The following CFAP299 variants were observed in gnomAD, a reference collection of about 807,000 sequenced individuals.
The protein encoded by CFAP299 is cilia- and flagella-associated protein 299.
A neutral mutation model predicts 27.0 loss-of-function variants in CFAP299; 21 were observed. The observed-to-expected ratio is 0.78, with a 90% CI of 0.55 to 1.12. The LOEUF is 1.12. CFAP299 is among the 50% of genes most tolerant of loss of function. The pLI is 0.00. For missense variants in CFAP299, 310 were observed against 276.6 expected (o/e 1.12, Z -0.86); for synonymous variants, 104 against 98.1 (o/e 1.06, Z -0.36).
chr4:80,796,594 C>T (rs549262635), intron 3 of CFAP299, among the ~76,000 whole-genome samples: 172 of 152,190 alleles, frequency 1.1e-3, no homozygotes, highest in African/African-American at 4.0e-3. Context: ...GCAATGAAAC[C>T]ATAACTGGCC....
At chr4:80,486,138 G>C (rs901838687) in intron 2 of CFAP299, among the ~76,000 whole-genome samples, 5 of 151,946 alleles carry the variant, frequency 3.3e-5, no homozygotes, top group Admixed American at 3.3e-4. Flanking sequence ...AGTTCTGCTT[G>C]CTTGGTCTTA....
At chr4:80,666,100 A>G (rs1390187172) in intron 3 of CFAP299, among the ~76,000 whole-genome samples, 2 of 152,114 alleles carry the variant, frequency 1.3e-5, no homozygotes, top group East Asian at 1.9e-4. Flanking sequence ...GGGTAAATTC[A>G]TTGTTCTTTT....
chr4:80,815,728 A>G (rs1222005162), intron 3 of CFAP299, among the ~76,000 whole-genome samples: 2 of 151,926 alleles, frequency 1.3e-5, no homozygotes, highest in Non-Finnish European at 2.9e-5. Context: ...CATAAAAATG[A>G]ATTAAGGCAA....
At chr4:80,877,772 T>C (rs138407576) in intron 4 of CFAP299, among the ~76,000 whole-genome samples, 79 of 152,268 alleles carry the variant, frequency 5.2e-4, no homozygotes, top group African/African-American at 1.8e-3. Flanking sequence ...AACTTTTTAT[T>C]ATTAATTTTT....
intron 3 of CFAP299, among the ~76,000 whole-genome samples, chr4:80,853,761 CAAG>C: frequency 6.6e-6 from 1 of 152,228 alleles, no homozygotes; most frequent in East Asian, 1.9e-4. Flanking sequence ...AAGTAGGCAT[CAAG>C]AAGAACCCCG....
At chr4:80,434,889 A>T (rs1429670463) in intron 2 of CFAP299, among the ~76,000 whole-genome samples, 2 of 152,334 alleles carry the variant, frequency 1.3e-5, no homozygotes, top group East Asian at 3.9e-4. Flanking sequence ...GCACTCCACA[A>T]GCTGAGACCA....
At chr4:80,582,493 T>C (rs1324837464) in intron 2 of CFAP299, among the ~76,000 whole-genome samples, 2 of 151,922 alleles carry the variant, frequency 1.3e-5, no homozygotes, top group African/African-American at 4.8e-5. Flanking sequence ...CACAAATCAC[T>C]CTTGAACTCA....
At chr4:80,856,795 T>G (rs1269749570) in intron 3 of CFAP299, among the ~76,000 whole-genome samples, 3 of 152,038 alleles carry the variant, frequency 2.0e-5, no homozygotes, top group Non-Finnish European at 4.4e-5. Context: ...CATGCTGTTT[T>G]GGTTACTGTA....
chr4:80,591,124 T>A lies in CFAP299; in HGVS notation c.333+7941T>A, dbSNP rs938881499. ...TAGGAAATTTTTTTTTTTTTTTTTT[T>A]TTTTTTTATTTTTTTTTGAGACGGA... is the stretch of plus-strand genomic sequence containing the variant. On this transcript the variant is annotated intron_variant, in intron 3 of 5. Coordinates refer to ENST00000358105, the MANE Select transcript of CFAP299 (RefSeq NM_152770.3). 6.1e-3 allele frequency among the ~76,000 whole-genome samples: 816 copies of A among 134,698 alleles called. 6 individuals are homozygous for A. The highest frequency in any genetic ancestry group is 0.022 in the South Asian group (88 of 4,086). The allele number at this position is 134,698 out of a possible 152,430, so 88.4% of individuals were successfully genotyped here.
chr4:80,332,170 T>C (rs1186117136), upstream of CFAP299, among the ~76,000 whole-genome samples: 1 of 152,228 alleles, frequency 6.6e-6, no homozygotes, highest in Non-Finnish European at 1.5e-5. Context: ...GATGTCATAA[T>C]TGACTTTGGT....
At position 80,742,981 on chromosome 4, in the gene CFAP299, T is replaced by C. The variant is rs187983716; in HGVS notation, c.334-127012T>C. ...ATGTTAAGAAAAGGTGATTCAGATA[T>C]ATATGTGGACAGGACTGTGTATGCA... On this transcript the variant is annotated intron_variant, in intron 3 of 5. Coordinates refer to ENST00000358105, the MANE Select transcript of CFAP299 (RefSeq NM_152770.3). Among the ~76,000 whole-genome samples, 71 of 152,304 alleles carry C rather than the reference T, an allele frequency of 4.7e-4. 1 individual carries two copies. Among genetic ancestry groups the C allele is most frequent in the African/African-American group, 1.6e-3 (68 of 41,560 alleles).
chr4:80,777,517 T>C (rs551406941), intron 3 of CFAP299, among the ~76,000 whole-genome samples: 24 of 152,274 alleles, frequency 1.6e-4, no homozygotes, highest in African/African-American at 5.5e-4. Flanking sequence ...CAGAGAAATA[T>C]AAGTCATGTG....
chr4:80,746,613 G>A (rs1406657694), intron 3 of CFAP299, among the ~76,000 whole-genome samples: 1 of 152,000 alleles, frequency 6.6e-6, no homozygotes, highest in East Asian at 1.9e-4. Flanking sequence ...CTTTTTTCAG[G>A]AGTAGAGATG....
intron 3 of CFAP299, among the ~76,000 whole-genome samples, chr4:80,740,895 C>CT (rs1282802674): frequency 6.6e-6 from 1 of 152,096 alleles, no homozygotes. Flanking sequence ...CTTCCATCAG[C>CT]TTGTGGCGAA....
In CFAP299 at chr4:80,533,869, T is replaced by G. The variant is rs77617146; in HGVS notation, c.243-49224T>G. 7.9e-4 allele frequency among the ~76,000 whole-genome samples: 120 copies of G among 152,110 alleles called. 2 individuals carry two copies. In the East Asian group the frequency reaches 0.021, roughly 27 times the overall value. On this transcript the variant is annotated intron_variant, in intron 2 of 5. Transcript: ENST00000358105. ...TTTAAAGTAGTGTTGTAAAAAAAACTGTTTCATGGGTATATGATCTGGATC... is the reference window on the plus strand; with the variant it reads ...TTTAAAGTAGTGTTGTAAAAAAAACGGTTTCATGGGTATATGATCTGGATC...
chr4:80,621,215 G>C (rs1487705602), intron 3 of CFAP299, among the ~76,000 whole-genome samples: 1 of 152,008 alleles, frequency 6.6e-6, no homozygotes, highest in Non-Finnish European at 1.5e-5. Flanking sequence ...TTGAATGTTG[G>C]CACCTGAAGA....
At chr4:80,954,910 G>A (rs1737975545) in intron 5 of CFAP299, among the ~76,000 whole-genome samples, 1 of 144,170 alleles carries the variant, frequency 6.9e-6, no homozygotes, top group African/African-American at 2.5e-5. Context: ...TGAGGCAGGA[G>A]AATGGCGTGA....
chr4:80,486,311 G>A (rs1730816800), intron 2 of CFAP299, among the ~76,000 whole-genome samples: 1 of 152,116 alleles, frequency 6.6e-6, no homozygotes, highest in African/African-American at 2.4e-5. Context: ...CCTGCCTAGG[G>A]GTCAAATTGT....
chr4:80,563,719 T>G (rs948901955), intron 2 of CFAP299, among the ~76,000 whole-genome samples: 4 of 151,742 alleles, frequency 2.6e-5, no homozygotes, highest in African/African-American at 9.7e-5. Context: ...TAAAGGAAAT[T>G]GAAATGAATA....
Sources: allele counts gnomAD v4.1 joint callset (sites outside exome capture counted in the v4.1 genomes callset), GRCh38; gene constraint gnomAD v4.1.1; transcripts MANE v1.5; gene names NCBI Gene and HGNC (gene_info 2026-07-23, HGNC 2026-07-21).